ADD2: variants seen among roughly 807,000 people sequenced by gnomAD.
The protein encoded by ADD2 is beta-adducin.
Under a neutral mutation model 83.0 loss-of-function variants are expected in ADD2, and 23 were observed. The ratio of observed to expected loss-of-function variants is 0.28; its 90% confidence interval spans 0.20 to 0.39. The LOEUF (loss-of-function observed/expected upper bound fraction) is 0.39, where lower values mean the gene tolerates loss of function less well. ADD2 is among the 10% of genes least tolerant of loss of function. The probability of loss-of-function intolerance (pLI) is 1.00; values close to 1 mark genes in which losing one functional copy is unlikely to be tolerated. For missense variants in ADD2, 758 were observed against 944.9 expected, an observed-to-expected ratio of 0.80 and a Z score of 2.59; for synonymous variants, 375 against 375.4, an observed-to-expected ratio of 1.00 and a Z score of 0.01.
intron 1 of ADD2, among the ~76,000 whole-genome samples, chr2:70,738,743 G>C (rs1401498825): frequency 6.6e-6 from 1 of 152,140 alleles, no homozygotes; most frequent in South Asian, 2.1e-4. Flanking sequence ...ATGGGTGTGG[G>C]AGTCAGACAA....
rs1675614074 is a variant in ADD2 at position 70,663,396 on chromosome 2, G to A, written c.*29C>T. ...GAAGGGAAGGGGAGGAGAGAGAGGA[G>A]GCAGGAGGGAGCCCAAGGGTGTCAT... On this transcript the variant is annotated 3_prime_UTR_variant, in exon 16 of 16. Coordinates refer to ENST00000264436, the MANE Select transcript of ADD2 (RefSeq NM_001617.4). 1 of 1,587,230 alleles carries A rather than the reference G, an allele frequency of 6.3e-7. No individual in the cohort carries two copies. Among genetic ancestry groups the A allele is most frequent in the African/African-American group, 1.3e-5 (1 of 74,202 alleles).
chr2:70,716,275 A>G (rs1484605504), intron 1 of ADD2, among the ~76,000 whole-genome samples: 1 of 151,682 alleles, frequency 6.6e-6, no homozygotes, highest in African/African-American at 2.4e-5. Flanking sequence ...TGAGGCTGAG[A>G]CTCAGATGAC....
intron 1 of ADD2, among the ~76,000 whole-genome samples, chr2:70,743,764 C>G (rs1380631617): frequency 1.3e-5 from 2 of 152,106 alleles, no homozygotes; most frequent in East Asian, 3.8e-4. Flanking sequence ...GTGTTCCAGG[C>G]CAGATTACTA....
At chr2:70,697,845 T>C (rs3771462) in intron 4 of ADD2, among the ~76,000 whole-genome samples, 120,583 of 152,102 alleles carry the variant, frequency 0.79, 48,790 homozygotes, top group African/African-American at 0.95. Context: ...GCGAGCAGAG[T>C]AGGCCTTGAA....
chr2:70,676,466 G>A lies in ADD2; in HGVS notation c.1593+330C>T. The A allele has an allele frequency of 7.7e-7, 1 of 1,292,438 alleles. No homozygotes were observed. Among genetic ancestry groups the A allele is most frequent in the Non-Finnish European group, 9.8e-7 (1 of 1,017,386 alleles). The allele number at this position is 1,292,438 out of a possible 1,614,324, so 80.1% of individuals were successfully genotyped here. Reference sequence around the variant, plus strand: ...GGCACCTGGGAGTCTCCAGCCCCAAGCCTATGAGTCCCCACTTCACGGGGT... The same window carrying A: ...GGCACCTGGGAGTCTCCAGCCCCAAACCTATGAGTCCCCACTTCACGGGGT... On this transcript the variant is annotated intron_variant, in intron 13 of 15. Coordinates refer to ENST00000264436, the MANE Select transcript of ADD2 (RefSeq NM_001617.4). This position sits in a 1 kb window ranked among gnomAD's most constrained non-coding sequence, Gnocchi z 4.8.
At chr2:70,700,646 A>C (rs1671542409) in intron 4 of ADD2, among the ~76,000 whole-genome samples, 1 of 152,132 alleles carries the variant, frequency 6.6e-6, no homozygotes, top group South Asian at 2.1e-4. Flanking sequence ...AAGTAAATCC[A>C]AGAATTGGCT....
chr2:70,761,733 G>A (rs1376520661), intron 1 of ADD2, among the ~76,000 whole-genome samples: 1 of 149,934 alleles, frequency 6.7e-6, no homozygotes, highest in Non-Finnish European at 1.5e-5. Flanking sequence ...GTGCAGTGGT[G>A]CAATCTCGGC....
At chr2:70,748,499 G>C (rs1674344804) in intron 1 of ADD2, among the ~76,000 whole-genome samples, 1 of 152,018 alleles carries the variant, frequency 6.6e-6, no homozygotes, top group Admixed American at 6.6e-5. Flanking sequence ...GCCACAATAG[G>C]CTCCTCATAG....
intron 1 of ADD2, chr2:70,741,369 G>A (rs1401377821): frequency 6.6e-6 from 1 of 152,216 alleles, no homozygotes; most frequent in African/African-American, 2.4e-5. Flanking sequence ...CTTTGATTAA[G>A]AGTCTGATGT....
chr2:70,746,177 C>T (rs1347797110), intron 1 of ADD2, among the ~76,000 whole-genome samples: 1 of 152,106 alleles, frequency 6.6e-6, no homozygotes, highest in Non-Finnish European at 1.5e-5. Flanking sequence ...TTTGTAAGGC[C>T]CAGCTCAAAT....
chr2:70,704,505 A>T, intron 3 of ADD2, 46 bp from the exon 4 acceptor site: 1 of 1,608,030 alleles, frequency 6.2e-7, no homozygotes, highest in Non-Finnish European at 8.5e-7. Flanking sequence ...CCTCTCACAC[A>T]GCTGCCCAAC....
chr2:70,704,624 G>A (rs978077768), intron 3 of ADD2, among the ~76,000 whole-genome samples, 165 bp from the exon 4 acceptor site: 3 of 152,170 alleles, frequency 2.0e-5, no homozygotes, highest in Non-Finnish European at 4.4e-5. Flanking sequence ...AGGACCTCAG[G>A]AATTGCTGTA....
chr2:70,767,555 C>G (rs1675466760), intron 1 of ADD2: 21 of 1,010,594 alleles, frequency 2.1e-5, no homozygotes, highest in Non-Finnish European at 2.6e-5. Flanking sequence ...CCCGGCTAGG[C>G]GAGGCGAGGC....
intron 15 of ADD2, among the ~76,000 whole-genome samples, chr2:70,667,310 C>T (rs553042930): frequency 3.3e-5 from 5 of 152,052 alleles, no homozygotes; most frequent in South Asian, 2.1e-4. Flanking sequence ...GAACAGGTGA[C>T]GGGAACGAGA....
At position 70,676,317 on chromosome 2, in the gene ADD2, A is replaced by G; in HGVS notation, c.1593+479T>C. On this transcript the variant is annotated intron_variant, in intron 13 of 15. Coordinates refer to ENST00000264436, the MANE Select transcript of ADD2 (RefSeq NM_001617.4). The surrounding 1 kb of genome is among the most constrained non-coding windows in gnomAD (Gnocchi z 4.8). ...GTAATATTGTCCCTTCCCATCCTGT[A>G]GGAGCATGGGTCCTGTCTATATACC... 2 of 1,011,170 alleles carry G rather than the reference A, an allele frequency of 2.0e-6. No homozygotes were observed. Among genetic ancestry groups the G allele is most frequent in the Non-Finnish European group, 2.4e-6 (2 of 847,196 alleles). 62.6% of individuals were successfully genotyped at this position (1,011,170 alleles called of 1,614,324 possible).
At chr2:70,665,810 G>GTTTTTTTTTTTT (rs879978891) in intron 15 of ADD2, among the ~76,000 whole-genome samples, 1 of 135,786 alleles carries the variant, frequency 7.4e-6, no homozygotes. Flanking sequence ...GATCACACTT[G>GTTTTTTTTTTTT]TTTTTTTGTT....
intron 1 of ADD2, among the ~76,000 whole-genome samples, chr2:70,740,247 A>G (rs1354571710): frequency 6.6e-6 from 1 of 152,206 alleles, no homozygotes; most frequent in Non-Finnish European, 1.5e-5. Flanking sequence ...ACTGGACTAT[A>G]TATGTAAAGC....
At chr2:70,692,630 G>T in intron 6 of ADD2, 78 bp from the exon 7 acceptor site, 1 of 1,427,852 alleles carries the variant, frequency 7.0e-7, no homozygotes, top group Non-Finnish European at 9.3e-7. Context: ...GGTGGGCCCA[G>T]CATGTGCCGC....
At chr2:70,749,597 T>C (rs1318514862) in intron 1 of ADD2, among the ~76,000 whole-genome samples, 2 of 152,160 alleles carry the variant, frequency 1.3e-5, no homozygotes, top group Non-Finnish European at 2.9e-5. Flanking sequence ...AAGCAACCAT[T>C]TGATACAGTC....
Sources: gnomAD v4.1 joint callset for allele counts (sites outside exome capture counted in the v4.1 genomes callset) on GRCh38, gnomAD v4.1.1 for gene constraint, Gnocchi (gnomAD v3.1) non-coding constraint, MANE v1.5 for transcripts, NCBI Gene and HGNC (gene_info 2026-07-23, HGNC 2026-07-21) for gene names.